The following CCNJL variants were observed in gnomAD, a reference collection of about 807,000 sequenced individuals.
CCNJL encodes cyclin J like.
In CCNJL, 33 loss-of-function variants were observed where a neutral mutation model predicts 33.4. The ratio of observed to expected loss-of-function variants is 0.99; its 90% CI spans 0.75 to 1.32. The LOEUF (loss-of-function observed/expected upper bound fraction) is 1.32, where lower values mean the gene tolerates loss of function less well. CCNJL is among the 40% of genes most tolerant of loss of function. The probability of loss-of-function intolerance (pLI) is 0.00; values close to 1 mark genes in which losing one functional copy is unlikely to be tolerated. For synonymous variants in CCNJL, 227 were observed against 220.9 expected (o/e 1.03, Z -0.24); for missense variants, 512 against 499.7 (o/e 1.02, Z -0.23).
At chr5:160,253,892 G>T in intron 5 of CCNJL, 94 bp from the exon 6 acceptor site, 1 of 957,346 alleles carries the variant, frequency 1.0e-6, no homozygotes, top group South Asian at 1.8e-5. Flanking sequence ...GACTGGAAGA[G>T]ATGCGTGTGT....
At chr5:160,329,128 C>CA (rs544557736) in intron 1 of CCNJL, among the ~76,000 whole-genome samples, 217 of 152,186 alleles carry the variant, frequency 1.4e-3, no homozygotes, top group African/African-American at 5.0e-3. Flanking sequence ...CCTGGAGGTC[C>CA]AGGTGTTAAA....
chr5:160,294,513 G>A (rs918893689), intron 2 of CCNJL, among the ~76,000 whole-genome samples: 3 of 152,118 alleles, frequency 2.0e-5, no homozygotes, highest in Admixed American at 6.5e-5. Flanking sequence ...GCCCTTCTGG[G>A]CAAACTCTGT....
At chr5:160,303,036 G>C (rs1330703246) in intron 2 of CCNJL, among the ~76,000 whole-genome samples, 3 of 152,040 alleles carry the variant, frequency 2.0e-5, no homozygotes, top group Non-Finnish European at 4.4e-5. Context: ...CTTTTGTATA[G>C]CGTGGTTTTA....
At chr5:160,263,518 C>T (rs1440958232) in intron 3 of CCNJL, among the ~76,000 whole-genome samples, 1 of 152,250 alleles carries the variant, frequency 6.6e-6, no homozygotes, top group Non-Finnish European at 1.5e-5. Flanking sequence ...AAATGCTCCA[C>T]ATTCTGGATC....
chr5:160,296,246 C>G (rs926809438), intron 2 of CCNJL, among the ~76,000 whole-genome samples: 1 of 152,218 alleles, frequency 6.6e-6, no homozygotes, highest in Non-Finnish European at 1.5e-5. Flanking sequence ...TTAACAGTTG[C>G]TAGCACTCTG....
At chr5:160,312,830 A>G (rs1763322330), upstream of CCNJL, 1 of 152,036 alleles carries the variant, frequency 6.6e-6, no homozygotes, top group Non-Finnish European at 1.5e-5. Context: ...TGCGCGCACC[A>G]CGCGTGAAAC....
At chr5:160,255,510 C>A (rs1302298042) in intron 5 of CCNJL, 39 bp downstream of exon 5, 15 of 1,603,802 alleles carry the variant, frequency 9.4e-6, no homozygotes, top group African/African-American at 2.7e-5. Flanking sequence ...AGAGGAACCT[C>A]ACTATTTCAG....
chr5:160,320,455 C>G (rs369261402), intron 1 of CCNJL, among the ~76,000 whole-genome samples: 1 of 152,288 alleles, frequency 6.6e-6, no homozygotes, highest in South Asian at 2.1e-4. Context: ...CTAACTTCCC[C>G]CACTCCCCAA....
intron 2 of CCNJL, among the ~76,000 whole-genome samples, chr5:160,306,554 G>C (rs13155668): frequency 0.16 from 24,927 of 152,128 alleles, 2,205 homozygotes; most frequent in Non-Finnish European, 0.19. Flanking sequence ...TATCAACATG[G>C]CTTTGGGAGG....
At chr5:160,306,540 A>T (rs941542568) in intron 2 of CCNJL, among the ~76,000 whole-genome samples, 1 of 152,170 alleles carries the variant, frequency 6.6e-6, no homozygotes, top group Non-Finnish European at 1.5e-5. Flanking sequence ...TGTCAAGCAG[A>T]GCTTATCAAC....
At chr5:160,254,051 C>T (rs1760944917) in intron 5 of CCNJL, 1 of 467,190 alleles carries the variant, frequency 2.1e-6, no homozygotes, top group Non-Finnish European at 3.8e-6. Flanking sequence ...GCTGGCTGTC[C>T]CCACAGCCCC....
rs1760824192 is a variant in CCNJL at position 160,251,967 on chromosome 5, A to G, written c.*1411T>C. 1 of 152,388 alleles carries G rather than the reference A, an allele frequency of 6.6e-6. No individual in the cohort carries two copies. Among genetic ancestry groups the G allele is most frequent in the South Asian group, 2.1e-4 (1 of 4,828 alleles). The allele number at this position is 152,388 out of a possible 1,614,324, so 9.4% of individuals were successfully genotyped here. On this transcript the variant is annotated 3_prime_UTR_variant, in exon 6 of 6. Coordinates refer to ENST00000257536, the MANE Select transcript of CCNJL (RefSeq NM_001308173.3). ...TCACCACCTTCCGATCTGACTCAGC[A>G]GCAGACAGCTGCCTTCCTGGCGGCC...
At chr5:160,279,702 C>T (rs2113347281) in intron 3 of CCNJL, among the ~76,000 whole-genome samples, 1 of 152,250 alleles carries the variant, frequency 6.6e-6, no homozygotes, top group Admixed American at 6.5e-5. Flanking sequence ...GAGGGAACAG[C>T]ATGTGCAAAG....
intron 5 of CCNJL, chr5:160,254,455 T>TG: frequency 2.0e-6 from 1 of 498,702 alleles, no homozygotes; most frequent in African/African-American, 2.0e-5. Flanking sequence ...TTGGGGACCT[T>TG]CTCAAAAACA....
intron 1 of CCNJL, among the ~76,000 whole-genome samples, chr5:160,320,775 CT>C (rs1335556690): frequency 1.4e-5 from 2 of 146,674 alleles, no homozygotes; most frequent in East Asian, 3.9e-4. Flanking sequence ...TTCTTTCTTT[CT>C]TTTCTTTCTT....
intron 2 of CCNJL, among the ~76,000 whole-genome samples, chr5:160,289,805 C>T (rs776199788): frequency 1.3e-5 from 2 of 152,202 alleles, no homozygotes; most frequent in Non-Finnish European, 2.9e-5. Flanking sequence ...TCCCAACCCC[C>T]GTCCCCAGGT....
chr5:160,279,040 G>A (rs1233004957), intron 3 of CCNJL, among the ~76,000 whole-genome samples: 1 of 152,204 alleles, frequency 6.6e-6, no homozygotes, highest in Non-Finnish European at 1.5e-5. Context: ...ATGGGATCAC[G>A]AACAACAGCA....
At chr5:160,271,685 C>A (rs187884199) in intron 3 of CCNJL, among the ~76,000 whole-genome samples, 3 of 152,370 alleles carry the variant, frequency 2.0e-5, no homozygotes, top group African/African-American at 7.2e-5. Flanking sequence ...GCCGCGTGGC[C>A]ACCACGCAAA....
Position 160,259,704 on chromosome 5 carries a change from G to A in CCNJL, c.348C>T (p.Ser116=), listed in dbSNP as rs773837841. 4.5e-5 allele frequency: 73 copies of A among 1,614,026 alleles called. No homozygotes were observed. In the South Asian group the frequency reaches 6.9e-4, roughly 15 times the overall value. Residue 116 remains serine, a synonymous_variant, in exon 4 of 6, where the codon AGC becomes AGT. Transcript: ENST00000257536. The part of the protein sequence containing the change: ...LEQINSTRIL[S]SQNFTLTKKE... ...TCTTGGTGAGGGTGAAGTTCTGGCT[G>A]CTCAGGATCCTCGTGCTGTTTATTT... is the stretch of plus-strand genomic sequence containing the variant.
Sources: gnomAD v4.1 joint callset for allele counts (sites outside exome capture counted in the v4.1 genomes callset) on GRCh38, gnomAD v4.1.1 for gene constraint, MANE v1.5 for transcripts, NCBI Gene and HGNC (gene_info 2026-07-23, HGNC 2026-07-21) for gene names.